The following RSBN1L variants were observed in gnomAD, a reference collection of about 807,000 sequenced individuals.
The protein encoded by RSBN1L is lysine-specific demethylase RSBN1L.
A neutral mutation model predicts 67.7 loss-of-function variants in RSBN1L; 30 were observed. The ratio of observed to expected loss-of-function variants is 0.44; its 90% confidence interval spans 0.33 to 0.60. RSBN1L has a LOEUF of 0.60. Ranked by LOEUF, RSBN1L falls within the 20% of genes least tolerant of loss-of-function variation. The probability of loss-of-function intolerance (pLI) is 0.02; values close to 1 mark genes in which losing one functional copy is unlikely to be tolerated. For missense variants in RSBN1L, 992 were observed against 1,031.7 expected, an observed-to-expected ratio of 0.96 and a Z score of 0.53; for synonymous variants, 433 against 387.0, an observed-to-expected ratio of 1.12 and a Z score of -1.39.
At chr7:77,739,671 T>C (rs1310930673) in intron 2 of RSBN1L, among the ~76,000 whole-genome samples, 7 of 114,830 alleles carry the variant, frequency 6.1e-5, no homozygotes, top group Admixed American at 1.1e-4. Context: ...ATTGTGCCAC[T>C]GCACTCCAGC....
rs1216587059 is a variant in RSBN1L at position 77,778,437 on chromosome 7, A to G, written c.1893A>G (p.Pro631=). ...QRMQLDLHEP[P]LSQCVQWVDD... ...TGCAGTTAGATTTACATGAACCTCC[A>G]CTGTCCCAGGTATTTTTAATACACT... Residue 631 remains proline, a synonymous_variant, in exon 7 of 8, where the codon CCA becomes CCG. Coordinates refer to ENST00000334955, the MANE Select transcript of RSBN1L (RefSeq NM_198467.3). The G allele has an allele frequency of 1.9e-6, 3 of 1,609,812 alleles. No homozygotes were observed. The highest frequency in any genetic ancestry group is 1.3e-5 in the African/African-American group (1 of 74,716).
At chr7:77,770,595 TGCTTGAGCCCAGGA>T (rs1198866378) in intron 5 of RSBN1L, among the ~76,000 whole-genome samples, 1 of 151,992 alleles carries the variant, frequency 6.6e-6, no homozygotes, top group Non-Finnish European at 1.5e-5. Context: ...AGTCAAGGGC[TGCTTGAGCCCAGGA>T]GTTTGAGGCT....
intron 4 of RSBN1L, 139 bp downstream of exon 4, chr7:77,765,771 T>G (rs1156547914): frequency 1.5e-6 from 1 of 657,442 alleles, no homozygotes; most frequent in Non-Finnish European, 2.4e-6. Context: ...AATAGAAACG[T>G]TTTGGTTTTA....
chr7:77,745,490 A>G (rs554562217), intron 2 of RSBN1L, among the ~76,000 whole-genome samples: 3 of 152,350 alleles, frequency 2.0e-5, no homozygotes, highest in East Asian at 1.9e-4. Context: ...GACATATAGT[A>G]TACAGGTATC....
chr7:77,707,487 A>G (rs1455917354), intron 1 of RSBN1L, among the ~76,000 whole-genome samples: 1 of 152,178 alleles, frequency 6.6e-6, no homozygotes, highest in African/African-American at 2.4e-5. Flanking sequence ...TTAAGTAGCT[A>G]CTTTTGTTAG....
chr7:77,756,762 G>A (rs1730951408), intron 3 of RSBN1L, among the ~76,000 whole-genome samples: 1 of 152,206 alleles, frequency 6.6e-6, no homozygotes, highest in South Asian at 2.1e-4. Flanking sequence ...CTGGACGACA[G>A]AGTGAGACTC....
rs1359445437 is a variant in RSBN1L, at chr7:77,697,111, T to G, written c.586+56T>G. 3.8e-6 allele frequency: 5 copies of G among 1,301,418 alleles called. No individual in the cohort carries two copies. The African/African-American group carries it at 4.7e-5, about 12-fold the overall frequency. The allele number at this position is 1,301,418 out of a possible 1,614,324, so 80.6% of individuals were successfully genotyped here. ...GGCGCCGTGGGTCCCCGCCGCCCCC[T>G]GGCGCCCACGGGGCCCGGGAAGGGG... is the stretch of plus-strand genomic sequence containing the variant. On this transcript the variant is annotated intron_variant, in intron 1 of 7. Coordinates refer to ENST00000334955, the MANE Select transcript of RSBN1L (RefSeq NM_198467.3).
At chr7:77,762,148 T>C (rs937891082) in intron 3 of RSBN1L, among the ~76,000 whole-genome samples, 4 of 152,186 alleles carry the variant, frequency 2.6e-5, no homozygotes, top group African/African-American at 9.6e-5. Flanking sequence ...TATCTATATG[T>C]TTTATATGTA....
chr7:77,742,243 TATAC>T (rs776857430), intron 2 of RSBN1L, among the ~76,000 whole-genome samples: 65 of 124,584 alleles, frequency 5.2e-4, no homozygotes, highest in Non-Finnish European at 7.2e-4. Context: ...TTTAAAAAAA[TATAC>T]AGACACACAG....
At chr7:77,754,320 T>C (rs1369414881) in intron 3 of RSBN1L, among the ~76,000 whole-genome samples, 1 of 152,240 alleles carries the variant, frequency 6.6e-6, no homozygotes, top group Admixed American at 6.5e-5. Flanking sequence ...CAAAGAGTTA[T>C]CTGCTAGAAT....
intron 1 of RSBN1L, among the ~76,000 whole-genome samples, chr7:77,718,372 G>A (rs1267121931): frequency 1.3e-5 from 2 of 152,096 alleles, no homozygotes. Context: ...TGCAATCACG[G>A]CTTCAACTTC....
At chr7:77,755,547 T>A (rs961928675) in intron 3 of RSBN1L, among the ~76,000 whole-genome samples, 2 of 151,970 alleles carry the variant, frequency 1.3e-5, no homozygotes, top group Non-Finnish European at 2.9e-5. Flanking sequence ...GCACCTGTAA[T>A]CCCAGCTTCT....
intron 6 of RSBN1L, among the ~76,000 whole-genome samples, chr7:77,776,080 T>C (rs148594690): frequency 1.7e-3 from 254 of 152,284 alleles, no homozygotes; most frequent in Admixed American, 3.3e-3. Context: ...TATTTTGCTG[T>C]TGTTAGGGAT....
chr7:77,745,258 G>A (rs1467932469), intron 2 of RSBN1L, among the ~76,000 whole-genome samples: 22 of 141,978 alleles, frequency 1.5e-4, no homozygotes, highest in African/African-American at 5.5e-4. Flanking sequence ...GCAAAACTCC[G>A]TCTCAAAAAA....
At chr7:77,733,862 C>A (rs1584287271) in intron 1 of RSBN1L, among the ~76,000 whole-genome samples, 1 of 152,212 alleles carries the variant, frequency 6.6e-6, no homozygotes, top group Admixed American at 6.5e-5. Context: ...TGTGGTGGCT[C>A]ACGCCTGTAA....
chr7:77,712,831 G>A (rs757891546), intron 1 of RSBN1L, among the ~76,000 whole-genome samples: 10 of 152,088 alleles, frequency 6.6e-5, no homozygotes, highest in South Asian at 4.1e-4. Flanking sequence ...ATGTGTAGGC[G>A]TTTATTCACT....
At chr7:77,701,104 A>G in intron 1 of RSBN1L, among the ~76,000 whole-genome samples, 1 of 105,166 alleles carries the variant, frequency 9.5e-6, no homozygotes, top group East Asian at 2.6e-4. Context: ...GTAAGCTGAG[A>G]TGGCGTCACT....
At chr7:77,701,403 A>G (rs1790816661) in intron 1 of RSBN1L, among the ~76,000 whole-genome samples, 1 of 151,720 alleles carries the variant, frequency 6.6e-6, no homozygotes, top group African/African-American at 2.4e-5. Flanking sequence ...TTTCATTTTT[A>G]TCCTTTTACT....
chr7:77,754,557 G>T (rs988150812), intron 3 of RSBN1L, among the ~76,000 whole-genome samples: 2 of 152,164 alleles, frequency 1.3e-5, no homozygotes, highest in African/African-American at 4.8e-5. Flanking sequence ...GAACATGGAA[G>T]TTTTCAGCAC....
Sources: gnomAD v4.1 joint callset for allele counts (sites outside exome capture counted in the v4.1 genomes callset) on GRCh38, gnomAD v4.1.1 for gene constraint, MANE v1.5 for transcripts, NCBI Gene and HGNC (gene_info 2026-07-23, HGNC 2026-07-21) for gene names.